MAP2K5: variants seen among roughly 807,000 people sequenced by gnomAD.
MAP2K5 encodes dual specificity mitogen-activated protein kinase kinase 5.
Under a neutral mutation model 83.1 loss-of-function variants are expected in MAP2K5, and 49 were observed. The observed-to-expected ratio is 0.59, with a 90% CI of 0.47 to 0.75. The LOEUF (loss-of-function observed/expected upper bound fraction) is 0.75. MAP2K5 is among the 30% of genes least tolerant of loss of function. The pLI is 0.00. For missense variants in MAP2K5, 457 were observed against 557.5 expected, an observed-to-expected ratio of 0.82 and a Z score of 1.82; for synonymous variants, 202 against 191.8, an observed-to-expected ratio of 1.05 and a Z score of -0.44.
chr15:67,710,593 T>C (rs1259800954), intron 16 of MAP2K5, among the ~76,000 whole-genome samples: 13 of 140,066 alleles, frequency 9.3e-5, no homozygotes, highest in African/African-American at 3.2e-4. Flanking sequence ...AACCTCCGCC[T>C]CCCAGGTTCA....
chr15:67,548,975 T>G, intron 1 of MAP2K5: 1 of 1,396,602 alleles, frequency 7.2e-7, no homozygotes. Context: ...CAGCAAAAGC[T>G]TCTAAAGAAT....
intron 3 of MAP2K5, among the ~76,000 whole-genome samples, chr15:67,574,721 G>A (rs2085018917): frequency 1.3e-5 from 2 of 151,912 alleles, no homozygotes; most frequent in South Asian, 4.2e-4. Flanking sequence ...ACAAAAATTA[G>A]CTGGGCGTGG....
rs749616267 is a variant in MAP2K5 at position 67,775,578 on chromosome 15, G to GAGGAAGCC, written c.1242+2828_1242+2835dup. Among the ~76,000 whole-genome samples the GAGGAAGCC allele has an allele frequency of 6.6e-5, 10 of 152,204 alleles. No individual in the cohort carries two copies. The highest frequency in any genetic ancestry group is 1.0e-4 in the Non-Finnish European group (7 of 68,036). On this transcript the variant is annotated intron_variant, in intron 21 of 21. Transcript: ENST00000178640. The surrounding 1 kb of genome is among the most constrained non-coding windows in gnomAD (Gnocchi z 5.3). ...TAGACTCAGCAGAAGATATAAAGTA[G>GAGGAAGCC]AGGAAGCCACACAGATAATCTTTTG...
At chr15:67,716,209 C>T (rs552419493) in intron 16 of MAP2K5, among the ~76,000 whole-genome samples, 22 of 152,246 alleles carry the variant, frequency 1.4e-4, no homozygotes, top group East Asian at 5.8e-4. Context: ...CACATGGTGA[C>T]GCACACCAGT....
chr15:67,696,819 A>G (rs1310445787), intron 15 of MAP2K5, among the ~76,000 whole-genome samples: 1 of 152,152 alleles, frequency 6.6e-6, no homozygotes, highest in Admixed American at 6.5e-5. Flanking sequence ...CTCTACTAAA[A>G]ATACAAAAAA....
intron 8 of MAP2K5, among the ~76,000 whole-genome samples, chr15:67,629,600 A>G (rs2086416575): frequency 6.6e-6 from 1 of 152,146 alleles, no homozygotes; most frequent in Non-Finnish European, 1.5e-5. Context: ...TTAGGGGCTC[A>G]TTAAATATGT....
chr15:67,655,930 C>T (rs1306652430), intron 11 of MAP2K5, among the ~76,000 whole-genome samples: 1 of 152,142 alleles, frequency 6.6e-6, no homozygotes, highest in African/African-American at 2.4e-5. Context: ...TTCATCATTA[C>T]ACTGGATAAT....
At chr15:67,685,833 G>A (rs755946257) in intron 13 of MAP2K5, among the ~76,000 whole-genome samples, 1 of 152,164 alleles carries the variant, frequency 6.6e-6, no homozygotes, top group East Asian at 1.9e-4. Flanking sequence ...TTGGGCCTTC[G>A]CCTGTTTTTA....
In MAP2K5 at chr15:67,775,128, CCAGAATACCCCTTAT is replaced by C. The variant is rs1165999274; in HGVS notation, c.1242+2378_1242+2392del. The stretch of plus-strand genomic sequence containing the variant: ...TTAGGTGGTGAGGTCACTGTTTATA[CCAGAATACCCCTTAT>C]CGAATCATAAAATCATCATCTTGGC... On this transcript the variant is annotated intron_variant, in intron 21 of 21. Coordinates refer to ENST00000178640, the MANE Select transcript of MAP2K5 (RefSeq NM_145160.3). This position sits in a 1 kb window ranked among gnomAD's most constrained non-coding sequence, Gnocchi z 5.3. Among the ~76,000 whole-genome samples, 17 of 152,288 alleles carry C rather than the reference CCAGAATACCCCTTAT, an allele frequency of 1.1e-4. No individual in the cohort carries two copies. Among genetic ancestry groups the C allele is most frequent in the African/African-American group, 3.6e-4 (15 of 41,564 alleles).
rs759761661 is a variant in MAP2K5, at chr15:67,587,984, C to T, written c.431+1071C>T. The T allele has an allele frequency of 2.2e-5, 8 of 370,474 alleles. No individual in the cohort carries two copies. The highest frequency in any genetic ancestry group is 3.0e-5 in the Non-Finnish European group (8 of 267,984). The allele number at this position is 370,474 out of a possible 1,614,324, so 22.9% of individuals were successfully genotyped here. The stretch of plus-strand genomic sequence containing the variant: ...ACTGCCACAGCCTCCTGAGAGTCTA[C>T]TCCCTCCGTTCTTGGCCCATTCAGC... On this transcript the variant is annotated intron_variant, in intron 6 of 21. Transcript: ENST00000178640. This position sits in a 1 kb window ranked among gnomAD's most constrained non-coding sequence, Gnocchi z 4.8.
intron 20 of MAP2K5, among the ~76,000 whole-genome samples, chr15:67,771,606 C>T (rs1490811457): frequency 6.6e-6 from 1 of 152,162 alleles, no homozygotes; most frequent in African/African-American, 2.4e-5. Context: ...AGGACTGTTA[C>T]CAACTCCACT....
intron 8 of MAP2K5, among the ~76,000 whole-genome samples, chr15:67,602,563 A>G (rs553168204): frequency 3.1e-4 from 47 of 152,242 alleles, no homozygotes; most frequent in Non-Finnish European, 5.1e-4. Context: ...GGGAAGAAGC[A>G]TAAGACCATG....
chr15:67,586,596 C>T (rs1035499231), intron 5 of MAP2K5, among the ~76,000 whole-genome samples: 1 of 152,110 alleles, frequency 6.6e-6, no homozygotes, highest in Non-Finnish European at 1.5e-5. Context: ...TGGATTTTCA[C>T]ACTGTTTATG....
chr15:67,701,666 A>G (rs76056522), intron 15 of MAP2K5, among the ~76,000 whole-genome samples: 3,300 of 152,252 alleles, frequency 0.022, 122 homozygotes, highest in African/African-American at 0.075. Flanking sequence ...AGCTAAGTGT[A>G]CCAAAGAATC....
intron 2 of MAP2K5, 109 bp downstream of exon 2, chr15:67,550,191 C>G: frequency 1.3e-6 from 1 of 747,996 alleles, no homozygotes; most frequent in South Asian, 1.6e-5. Context: ...TATTTATGAC[C>G]ATCATATGGT....
chr15:67,706,318 C>A (rs536252913), intron 16 of MAP2K5, among the ~76,000 whole-genome samples: 4 of 152,248 alleles, frequency 2.6e-5, no homozygotes, highest in African/African-American at 9.6e-5. Flanking sequence ...ATTGAATATT[C>A]TGTGGAGGAC....
chr15:67,596,558 T>G (rs2085531986), intron 7 of MAP2K5, among the ~76,000 whole-genome samples: 1 of 152,260 alleles, frequency 6.6e-6, no homozygotes, highest in Admixed American at 6.5e-5. Flanking sequence ...CAGTTCATCT[T>G]GGATTGCATA....
intron 19 of MAP2K5, among the ~76,000 whole-genome samples, chr15:67,759,288 G>A (rs573136134): frequency 2.6e-5 from 4 of 152,238 alleles, no homozygotes; most frequent in African/African-American, 7.2e-5. Flanking sequence ...GCCAGGCACG[G>A]TGGCTCATGC....
chr15:67,628,954 ATGATT>A (rs1282319358), intron 8 of MAP2K5: 5 of 763,430 alleles, frequency 6.5e-6, no homozygotes. Flanking sequence ...GGAAGCTACA[ATGATT>A]TTGGCAATTT....
Sources: allele counts gnomAD v4.1 joint callset (sites outside exome capture counted in the v4.1 genomes callset), GRCh38; gene constraint gnomAD v4.1.1; non-coding constraint Gnocchi (gnomAD v3.1); transcripts MANE v1.5; gene names NCBI Gene and HGNC (gene_info 2026-07-23, HGNC 2026-07-21).